IL1RAPL2: variants seen among roughly 807,000 people sequenced by gnomAD.
The protein encoded by IL1RAPL2 is X-linked interleukin-1 receptor accessory protein-like 2.
Under a neutral mutation model 44.1 loss-of-function variants are expected in IL1RAPL2, and 3 were observed. The observed-to-expected ratio is 0.07, with a 90% CI of 0.03 to 0.18. The LOEUF is 0.18. IL1RAPL2 is among the 10% of genes least tolerant of loss of function. The probability of loss-of-function intolerance (pLI) is 1.00; values close to 1 mark genes in which losing one functional copy is unlikely to be tolerated. For missense variants in IL1RAPL2, 391 were observed against 496.4 expected (o/e 0.79, Z 2.02); for synonymous variants, 181 against 178.8 (o/e 1.01, Z -0.10).
intron 1 of IL1RAPL2, among the ~76,000 whole-genome samples, chrX:104,649,997 A>G (rs1021377113): frequency 1.8e-5 from 2 of 112,094 alleles, no homozygotes; most frequent in Non-Finnish European, 3.8e-5. Context: ...TCAATATGGC[A>G]TTACTCATAT....
chrX:104,832,441 C>G (rs1279512842), intron 2 of IL1RAPL2, among the ~76,000 whole-genome samples: 1 of 109,798 alleles, frequency 9.1e-6, no homozygotes. Context: ...AAACTTGAGG[C>G]TCTGTTCTTG....
chrX:105,051,037 C>T (rs760355043), intron 2 of IL1RAPL2, among the ~76,000 whole-genome samples: 1 of 112,251 alleles, frequency 8.9e-6, no homozygotes, highest in Non-Finnish European at 1.9e-5. Context: ...ATGGGTGGGC[C>T]CAGAGCAGGC....
chrX:104,953,985 A>C (rs1309465147), intron 2 of IL1RAPL2, among the ~76,000 whole-genome samples: 3 of 112,002 alleles, frequency 2.7e-5, no homozygotes, highest in African/African-American at 9.7e-5. Context: ...CCAGACTCAC[A>C]AAATTAGGCT....
chrX:105,623,882 C>T, intron 6 of IL1RAPL2, among the ~76,000 whole-genome samples: 1 of 111,107 alleles, frequency 9.0e-6, no homozygotes, highest in Non-Finnish European at 1.9e-5. Context: ...CAACAATACA[C>T]GTATGATTAC....
chrX:105,116,114 G>A, intron 2 of IL1RAPL2, among the ~76,000 whole-genome samples: 1 of 18 alleles, frequency 0.056, no homozygotes, highest in South Asian at 0.5. Context: ...GCAAGTGGAG[G>A]GAAGCCGGCT....
At chrX:104,943,549 C>T (rs768147221) in intron 2 of IL1RAPL2, among the ~76,000 whole-genome samples, 1 of 111,649 alleles carries the variant, frequency 9.0e-6, no homozygotes, top group Non-Finnish European at 1.9e-5. Flanking sequence ...GGCATGCTAA[C>T]CCCGTTAGGG....
intron 2 of IL1RAPL2, among the ~76,000 whole-genome samples, chrX:104,668,382 T>C (rs1205667164): frequency 2.8e-5 from 3 of 107,380 alleles, no homozygotes; most frequent in Non-Finnish European, 5.8e-5. Flanking sequence ...ATGTGCAGGT[T>C]AGTTACATAT....
intron 5 of IL1RAPL2, among the ~76,000 whole-genome samples, chrX:105,350,024 T>C (rs1438904659): frequency 1.8e-5 from 2 of 112,289 alleles, no homozygotes; most frequent in African/African-American, 3.2e-5. Context: ...CCAGAATATG[T>C]GGCACTGGAC....
intron 6 of IL1RAPL2, among the ~76,000 whole-genome samples, chrX:105,686,413 C>T (rs1271761133): frequency 4.1e-5 from 4 of 97,541 alleles, no homozygotes; most frequent in African/African-American, 1.1e-4. Context: ...AAAGCAGGGG[C>T]TGCAATCCTA....
intron 5 of IL1RAPL2, among the ~76,000 whole-genome samples, chrX:105,331,930 G>A (rs1449448890): frequency 9.1e-6 from 1 of 110,053 alleles, no homozygotes; most frequent in Non-Finnish European, 1.9e-5. Flanking sequence ...TCCCTTGCTG[G>A]AACCTATCAC....
At chrX:104,625,274 A>G (rs767827137) in intron 1 of IL1RAPL2, among the ~76,000 whole-genome samples, 3 of 111,029 alleles carry the variant, frequency 2.7e-5, no homozygotes, top group Non-Finnish European at 5.7e-5. Flanking sequence ...TTCTTTTTCC[A>G]GTTATAGAAG....
rs748127601 is a variant in IL1RAPL2 at position 105,337,889 on chromosome X, T to TCACA, written c.697+70371_697+70374dup. Among the ~76,000 whole-genome samples, 608 of 104,724 alleles carry TCACA rather than the reference T, an allele frequency of 5.8e-3. 7 individuals are homozygous for TCACA. The highest frequency in any genetic ancestry group is 0.019 in the African/African-American group (541 of 28,369). The allele number at this position is 104,724 out of a possible 115,157, so 90.9% of individuals were successfully genotyped here. A position where few individuals can be genotyped will look rare whatever the true frequency, so the allele number is the denominator to read the frequency against. ...CTGGGAGAGAGAGTGAGACTCCATCTCACACACACACACACACACACACAC... is the reference window on the plus strand; with the variant it reads ...CTGGGAGAGAGAGTGAGACTCCATCTCACACACACACACACACACACACACACAC... On this transcript the variant is annotated intron_variant, in intron 5 of 10. Transcript: ENST00000372582.
chrX:105,481,225 C>A (rs1386076915), intron 5 of IL1RAPL2, among the ~76,000 whole-genome samples: 2 of 112,049 alleles, frequency 1.8e-5, no homozygotes, highest in African/African-American at 6.5e-5. Flanking sequence ...ATTCATCTTG[C>A]AAGTGGGGGC....
intron 6 of IL1RAPL2, among the ~76,000 whole-genome samples, chrX:105,509,892 C>A (rs2147785432): frequency 9.0e-6 from 1 of 111,724 alleles, no homozygotes; most frequent in South Asian, 3.8e-4. Context: ...ATCTCTGCAG[C>A]CAGGCATGGT....
intron 2 of IL1RAPL2, among the ~76,000 whole-genome samples, chrX:105,128,805 A>G (rs2033000294): frequency 9.0e-6 from 1 of 111,428 alleles, no homozygotes; most frequent in Admixed American, 9.6e-5. Flanking sequence ...AAGCTTCTTG[A>G]AGACATACAT....
chrX:105,025,520 A>G (rs758641453), intron 2 of IL1RAPL2, among the ~76,000 whole-genome samples: 46 of 111,467 alleles, frequency 4.1e-4, no homozygotes, highest in Non-Finnish European at 6.6e-4. Context: ...CACATTTTTT[A>G]TTCATTCATC....
rs146786477 is a variant in IL1RAPL2, at chrX:104,975,389, T to G, written c.83-220086T>G. ...CACTTTTTTCCTACAGCACAAGTAA[T>G]AGATGGCAATATTTGATGACATGCT... is the stretch of plus-strand genomic sequence containing the variant. On this transcript the variant is annotated intron_variant, in intron 2 of 10. Coordinates refer to ENST00000372582, the MANE Select transcript of IL1RAPL2 (RefSeq NM_017416.2). Among the ~76,000 whole-genome samples the G allele has an allele frequency of 0.015, 1,626 of 112,029 alleles. 77 individuals carry two copies. In the East Asian group the frequency reaches 0.17, roughly 12 times the overall value.
At chrX:105,723,292 G>T (rs1230662054) in intron 7 of IL1RAPL2, among the ~76,000 whole-genome samples, 1 of 111,386 alleles carries the variant, frequency 9.0e-6, no homozygotes, top group African/African-American at 3.3e-5. Flanking sequence ...ATGTAAGTCT[G>T]AGCCCACATA....
intron 6 of IL1RAPL2, among the ~76,000 whole-genome samples, chrX:105,580,815 T>C (rs944526012): frequency 8.9e-6 from 1 of 112,073 alleles, no homozygotes; most frequent in African/African-American, 3.2e-5. Context: ...CTTAAAACAC[T>C]GTACGGAAAT....
Sources: allele counts gnomAD v4.1 joint callset (sites outside exome capture counted in the v4.1 genomes callset), GRCh38; gene constraint gnomAD v4.1.1; transcripts MANE v1.5; gene names NCBI Gene and HGNC (gene_info 2026-07-23, HGNC 2026-07-21).